Variants in TENM1 observed in about 807,000 individuals in gnomAD.
TENM1 encodes teneurin-1.
In TENM1, 35 loss-of-function variants were observed where a neutral mutation model predicts 174.8. That is an observed-to-expected ratio of 0.20 (90% confidence interval 0.15 to 0.27). The LOEUF (loss-of-function observed/expected upper bound fraction) is 0.27. Among genes scored for constraint, TENM1 ranks in the 10% least tolerant of loss-of-function variants. TENM1 has a pLI of 1.00. For missense variants in TENM1, 1,633 were observed against 2,130.1 expected, an observed-to-expected ratio of 0.77 and a Z score of 4.59; for synonymous variants, 781 against 798.7, an observed-to-expected ratio of 0.98 and a Z score of 0.37.
chrX:124,697,834 G>A (rs1414218874), intron 5 of TENM1, among the ~76,000 whole-genome samples: 3 of 111,007 alleles, frequency 2.7e-5, no homozygotes, highest in South Asian at 3.7e-4. Flanking sequence ...AAAAACAGGC[G>A]GACTCTCATA....
chrX:125,127,962 A>G, the TENM1 span, among the ~76,000 whole-genome samples: 2 of 111,355 alleles, frequency 1.8e-5, no homozygotes, highest in East Asian at 5.6e-4. Context: ...CACTAAACAC[A>G]TTCGAAGTAT....
chrX:124,749,563 T>C (rs771951411), intron 3 of TENM1, among the ~76,000 whole-genome samples: 46 of 112,380 alleles, frequency 4.1e-4, no homozygotes, highest in Non-Finnish European at 8.1e-4. Context: ...TCACAGTACG[T>C]CAAACCCCAT....
chrX:125,140,002 A>G, the TENM1 span, among the ~76,000 whole-genome samples: 3 of 111,232 alleles, frequency 2.7e-5, no homozygotes, highest in Non-Finnish European at 5.7e-5. Context: ...TTCGTAATAT[A>G]TTACTGGGCA....
chrX:124,650,603 C>T (rs906996936), intron 8 of TENM1, among the ~76,000 whole-genome samples: 89 of 111,300 alleles, frequency 8.0e-4, no homozygotes, highest in African/African-American at 2.8e-3. Context: ...AAAGTCTTCA[C>T]AAATATTTTA....
chrX:124,848,827 T>C (rs1050323387), intron 3 of TENM1, among the ~76,000 whole-genome samples: 1 of 111,560 alleles, frequency 9.0e-6, no homozygotes, highest in Admixed American at 9.5e-5. Flanking sequence ...AGAACGCACA[T>C]ATAACATGAT....
At position 124,647,002 on chromosome X, in the gene TENM1, G is replaced by C. The variant is rs773826242; in HGVS notation, c.1580-192C>G. ...ACATGCAGTACAAAATTATAAAAAG[G>C]GCCCTGGGTTTGCTGACTTGGCCAA... is the stretch of plus-strand genomic sequence containing the variant. On this transcript the variant is annotated intron_variant, in intron 8 of 31. Coordinates refer to ENST00000422452, the Ensembl canonical transcript of TENM1. 4.0e-4 allele frequency among the ~76,000 whole-genome samples: 44 copies of C among 110,563 alleles called. 1 individual carries two copies. In the South Asian group the frequency reaches 0.017, roughly 42 times the overall value.
chrX:124,387,282 G>A (rs1157227324), intron 28 of TENM1, among the ~76,000 whole-genome samples: 1 of 110,601 alleles, frequency 9.0e-6, no homozygotes, highest in African/African-American at 3.3e-5. Flanking sequence ...CAGGTAACAG[G>A]TGTTTCATAA....
At chrX:124,752,246 T>C (rs947040833) in intron 3 of TENM1, among the ~76,000 whole-genome samples, 4 of 102,874 alleles carry the variant, frequency 3.9e-5, no homozygotes, top group Non-Finnish European at 7.7e-5. Context: ...TAGCCAGTGA[T>C]GGTGAGCATT....
chrX:124,583,231 C>T (rs2049379193), intron 11 of TENM1, among the ~76,000 whole-genome samples: 1 of 111,573 alleles, frequency 9.0e-6, no homozygotes, highest in Non-Finnish European at 1.9e-5. Flanking sequence ...AGACTGCCTC[C>T]TCAGGTGGGT....
At chrX:124,520,527 T>C (rs1191642126) in exon 18 of TENM1, 1 of 1,204,113 alleles carries the variant, frequency 8.3e-7, no homozygotes, top group African/African-American at 1.7e-5. Flanking sequence ...CCAAAGCCTC[T>C]GCCAGGCCCC....
the TENM1 span, among the ~76,000 whole-genome samples, chrX:125,132,791 C>T: frequency 9.0e-6 from 1 of 111,466 alleles, no homozygotes; most frequent in Non-Finnish European, 1.9e-5. Context: ...GGCTCACCTG[C>T]CTTTGCCTTT....
chrX:124,754,504 T>G (rs1388321367), intron 3 of TENM1, among the ~76,000 whole-genome samples: 2 of 111,061 alleles, frequency 1.8e-5, no homozygotes, highest in African/African-American at 6.5e-5. Flanking sequence ...CTGCTCTGAT[T>G]TTAGTTATTT....
In TENM1 at chrX:124,763,528, G is replaced by A. The variant is rs189039644; in HGVS notation, c.536-26331C>T. Reference sequence around the variant, plus strand: ...CCCCTTTGAAAAGCTTAGTCAGTGAGAAGAAATGGTGAGACATGAGGTTCT... The same window carrying A: ...CCCCTTTGAAAAGCTTAGTCAGTGAAAAGAAATGGTGAGACATGAGGTTCT... On this transcript the variant is annotated intron_variant, in intron 3 of 31. Coordinates refer to ENST00000422452, the Ensembl canonical transcript of TENM1. 7.1e-3 allele frequency among the ~76,000 whole-genome samples: 792 copies of A among 111,386 alleles called. 7 individuals carry two copies. The highest frequency in any genetic ancestry group is 0.032 in the South Asian group (83 of 2,602).
intron 22 of TENM1, among the ~76,000 whole-genome samples, chrX:124,454,267 G>A (rs1185941778): frequency 9.0e-6 from 1 of 111,624 alleles, no homozygotes; most frequent in Non-Finnish European, 1.9e-5. Flanking sequence ...CATAGGGACA[G>A]GATCGTCTGC....
Position 124,380,950 on chromosome X carries a change from G to C in TENM1, c.7785C>G (p.Ile2595Met), listed in dbSNP as rs1340748292. 1.7e-6 allele frequency: 2 copies of C among 1,211,476 alleles called. No individual in the cohort carries two copies. Among genetic ancestry groups the C allele is most frequent in the Admixed American group, 2.2e-5 (1 of 46,016 alleles). ...GAATCCGCCTCCCCCCAGTGTTACC[G>C]ATGAGCACCAGGTCTTCCTCCAGAG... is the stretch of plus-strand genomic sequence containing the variant. The change falls in exon 32 of 32, where the codon ATC becomes ATG. Residue 2595 changes from isoleucine (I) to methionine (M), a missense_variant. Transcript: ENST00000422452.
intron 3 of TENM1, among the ~76,000 whole-genome samples, chrX:124,761,303 T>A (rs995872285): frequency 1.8e-5 from 2 of 110,144 alleles, no homozygotes; most frequent in Admixed American, 9.7e-5. Flanking sequence ...CAAATGTCCA[T>A]CAATGATAGA....
At chrX:124,471,354 TA>T (rs2061317499) in intron 22 of TENM1, among the ~76,000 whole-genome samples, 1 of 39,582 alleles carries the variant, frequency 2.5e-5, no homozygotes, top group African/African-American at 1.1e-4. Flanking sequence ...ATATATATTA[TA>T]ATATATAGTA....
intron 4 of TENM1, among the ~76,000 whole-genome samples, chrX:124,720,866 G>C (rs1300463724): frequency 2.7e-5 from 3 of 111,733 alleles, no homozygotes; most frequent in African/African-American, 6.5e-5. Flanking sequence ...AGGAAATTCA[G>C]AAAGAATCAT....
chrX:124,897,941 T>C (rs1012330597), intron 1 of TENM1, among the ~76,000 whole-genome samples: 1 of 112,642 alleles, frequency 8.9e-6, no homozygotes, highest in Admixed American at 9.4e-5. Context: ...TGGGATCAGC[T>C]AATATTCATG....
Sources: allele counts gnomAD v4.1 joint callset (sites outside exome capture counted in the v4.1 genomes callset), GRCh38; gene constraint gnomAD v4.1.1; transcripts MANE v1.5; gene names NCBI Gene and HGNC (gene_info 2026-07-23, HGNC 2026-07-21).